CNTN3: variants seen among roughly 807,000 people sequenced by gnomAD.
CNTN3 encodes the protein contactin-3.
Under a neutral mutation model 119.1 loss-of-function variants are expected in CNTN3, and 60 were observed. That is an observed-to-expected ratio of 0.50 (90% CI 0.41 to 0.62). CNTN3 has a LOEUF of 0.62. Ranked by LOEUF, CNTN3 falls within the 20% of genes least tolerant of loss-of-function variation. The pLI is 0.00. For missense variants in CNTN3, 1,101 were observed against 1,242.4 expected, an observed-to-expected ratio of 0.89 and a Z score of 1.71; for synonymous variants, 450 against 438.7, an observed-to-expected ratio of 1.03 and a Z score of -0.32.
chr3:74,513,231 C>T (rs1223000233), intron 2 of CNTN3, among the ~76,000 whole-genome samples: 2 of 152,114 alleles, frequency 1.3e-5, no homozygotes, highest in African/African-American at 2.4e-5. Context: ...CCAGGATTCA[C>T]GTGCTTTTGG....
intron 1 of CNTN3, among the ~76,000 whole-genome samples, chr3:74,524,680 C>A (rs1703590701): frequency 1.3e-5 from 2 of 151,846 alleles, no homozygotes; most frequent in African/African-American, 4.8e-5. Flanking sequence ...TCAACTACTA[C>A]TTATCTCCAT....
chr3:74,342,350 A>G (rs1393435743), intron 11 of CNTN3, among the ~76,000 whole-genome samples: 1 of 152,118 alleles, frequency 6.6e-6, no homozygotes, highest in Non-Finnish European at 1.5e-5. Context: ...TCTTCTACCT[A>G]TCCTATTTTG....
chr3:74,292,817 G>T (rs28673449), intron 19 of CNTN3, among the ~76,000 whole-genome samples: 65,582 of 151,936 alleles, frequency 0.43, 14,446 homozygotes, highest in South Asian at 0.61. Context: ...GCTCCTTCCA[G>T]CCCCTATATC....
chr3:74,429,457 C>G (rs536982457), intron 4 of CNTN3, among the ~76,000 whole-genome samples: 76 of 151,698 alleles, frequency 5.0e-4, no homozygotes, highest in African/African-American at 1.8e-3. Flanking sequence ...AAAAATCGAC[C>G]TAAACTTTAC....
chr3:74,478,797 C>T (rs143533633), intron 4 of CNTN3, among the ~76,000 whole-genome samples: 180 of 152,086 alleles, frequency 1.2e-3, no homozygotes, highest in African/African-American at 3.8e-3. Flanking sequence ...CAAACCAACA[C>T]AAAACTAAAA....
intron 4 of CNTN3, among the ~76,000 whole-genome samples, chr3:74,448,860 C>A (rs79423060): frequency 1.7e-3 from 254 of 152,002 alleles, no homozygotes; most frequent in African/African-American, 5.3e-3. Context: ...CACTATATAC[C>A]ACACATTCAT....
chr3:74,429,563 T>G (rs4677396), intron 4 of CNTN3, among the ~76,000 whole-genome samples: 101,757 of 151,936 alleles, frequency 0.67, 34,234 homozygotes, highest in East Asian at 0.74. Flanking sequence ...ACCATCTTTG[T>G]GATGTAAGGA....
chr3:74,356,187 C>T (rs1703930586), intron 11 of CNTN3, among the ~76,000 whole-genome samples: 1 of 152,048 alleles, frequency 6.6e-6, no homozygotes, highest in Admixed American at 6.5e-5. Context: ...AGAGAGTGAG[C>T]CCTCACCAGA....
chr3:74,485,242 T>A (rs1040095132), intron 4 of CNTN3, among the ~76,000 whole-genome samples: 2 of 152,000 alleles, frequency 1.3e-5, no homozygotes, highest in African/African-American at 4.8e-5. Flanking sequence ...GAAACCAAAC[T>A]CTTTGTTTAA....
Position 74,383,748 on chromosome 3 carries a change from G to C in CNTN3, c.455-12349C>G, listed in dbSNP as rs577383011. ...GATCCACTCACTTCAGCCTCCCAAA[G>C]TGCTGGGATTATAGGTATGAGCCAC... On this transcript the variant is annotated intron_variant, in intron 5 of 22. Transcript: ENST00000263665. 5.3e-5 allele frequency among the ~76,000 whole-genome samples: 8 copies of C among 152,288 alleles called. No homozygotes were observed. In the East Asian group the frequency reaches 1.4e-3, roughly 26 times the overall value.
Position 74,298,042 on chromosome 3 carries a change from T to C in CNTN3, c.2316A>G (p.Ser772=). ...AAACACCCACTTTAACTTCATATGG[T>C]GAATATGGCACGATGCTTTCATTCC... ...VFRNESIVPY[S]PYEVKVGVYN... The change falls in exon 18 of 23, where the codon TCA becomes TCG. Residue 772 remains serine, a synonymous_variant. Transcript: ENST00000263665. The C allele has an allele frequency of 6.2e-7, 1 of 1,614,040 alleles. No individual in the cohort carries two copies. The highest frequency in any genetic ancestry group is 8.5e-7 in the Non-Finnish European group (1 of 1,179,966).
chr3:74,480,119 A>G (rs1333813470), intron 4 of CNTN3, among the ~76,000 whole-genome samples: 5 of 152,092 alleles, frequency 3.3e-5, no homozygotes, highest in Non-Finnish European at 4.4e-5. Flanking sequence ...CTATAATAAC[A>G]TGGCCTAAGC....
At chr3:74,439,874 G>C (rs144530942) in intron 4 of CNTN3, among the ~76,000 whole-genome samples, 1 of 152,292 alleles carries the variant, frequency 6.6e-6, no homozygotes, top group African/African-American at 2.4e-5. Context: ...ACAAAGCTGA[G>C]TGAAAAAGGC....
chr3:74,493,920 C>T (rs1443845406), intron 3 of CNTN3, among the ~76,000 whole-genome samples: 1 of 152,048 alleles, frequency 6.6e-6, no homozygotes, highest in Admixed American at 6.6e-5. Flanking sequence ...TCCCATTTCT[C>T]ACTCATCGAT....
At chr3:74,444,928 T>C (rs1559605104) in intron 4 of CNTN3, among the ~76,000 whole-genome samples, 1 of 152,102 alleles carries the variant, frequency 6.6e-6, no homozygotes, top group Non-Finnish European at 1.5e-5. Flanking sequence ...AGCACCAAAA[T>C]CTCTTCCCCA....
At chr3:74,457,402 T>G (rs1018871266) in intron 4 of CNTN3, among the ~76,000 whole-genome samples, 2 of 152,058 alleles carry the variant, frequency 1.3e-5, no homozygotes, top group African/African-American at 4.8e-5. Flanking sequence ...TCATCAACTA[T>G]GTGCCTAAGG....
intron 5 of CNTN3, among the ~76,000 whole-genome samples, chr3:74,389,539 T>C (rs1704840570): frequency 6.6e-6 from 1 of 152,200 alleles, no homozygotes; most frequent in African/African-American, 2.4e-5. Flanking sequence ...GTAGTGACAG[T>C]AATAGCTAAT....
chr3:74,450,961 C>G (rs1403808222), intron 4 of CNTN3, among the ~76,000 whole-genome samples: 1 of 151,988 alleles, frequency 6.6e-6, no homozygotes, highest in Non-Finnish European at 1.5e-5. Context: ...GTGAATAGTG[C>G]TGCAATAAAC....
chr3:74,413,475 A>G (rs1701471022), intron 5 of CNTN3, among the ~76,000 whole-genome samples: 1 of 152,242 alleles, frequency 6.6e-6, no homozygotes, highest in African/African-American at 2.4e-5. Context: ...CCATGGTAAG[A>G]ACTGTAACCA....
Sources: allele counts gnomAD v4.1 joint callset (sites outside exome capture counted in the v4.1 genomes callset), GRCh38; gene constraint gnomAD v4.1.1; transcripts MANE v1.5; gene names NCBI Gene and HGNC (gene_info 2026-07-23, HGNC 2026-07-21).